Variants in TTC6 observed in about 807,000 individuals in gnomAD.
TTC6 encodes the protein tetratricopeptide repeat domain 6.
A neutral mutation model predicts 210.4 loss-of-function variants in TTC6; 172 were observed. The ratio of observed to expected loss-of-function variants is 0.82; its 90% CI spans 0.72 to 0.93. The LOEUF (loss-of-function observed/expected upper bound fraction) is 0.93, where lower values mean the gene tolerates loss of function less well. Among genes scored for constraint, TTC6 ranks in the 40% least tolerant of loss-of-function variants. The pLI is 0.00. For missense variants in TTC6, 2,414 were observed against 2,318.1 expected, an observed-to-expected ratio of 1.04 and a Z score of -0.85; for synonymous variants, 804 against 819.6, an observed-to-expected ratio of 0.98 and a Z score of 0.32.
At chr14:37,746,415 C>T (rs1021188374) in intron 10 of TTC6, among the ~76,000 whole-genome samples, 1 of 152,170 alleles carries the variant, frequency 6.6e-6, no homozygotes, top group African/African-American at 2.4e-5. Flanking sequence ...TTGTGTAATC[C>T]ATGCATGAGT....
chr14:37,622,129 T>C, exon 1 of TTC6: 1 of 1,535,552 alleles, frequency 6.5e-7, no homozygotes, highest in South Asian at 1.2e-5. Flanking sequence ...TTTAAAGAGC[T>C]TGAGAAAGTT....
At chr14:37,700,936 G>A (rs576621217) in intron 4 of TTC6, among the ~76,000 whole-genome samples, 4 of 152,006 alleles carry the variant, frequency 2.6e-5, no homozygotes, top group African/African-American at 9.7e-5. Context: ...CTTCTTTAGG[G>A]ACATTAGCAT....
chr14:37,750,618 G>A (rs1423561984), intron 12 of TTC6, among the ~76,000 whole-genome samples: 1 of 152,214 alleles, frequency 6.6e-6, no homozygotes, highest in Non-Finnish European at 1.5e-5. Flanking sequence ...CAGGCACAGT[G>A]GCTTACGCCT....
Position 37,816,391 on chromosome 14 carries a change from G to C in TTC6, c.4690-1187G>C, listed in dbSNP as rs1410783830. ...AGGAGGAGTGGGAGGGAGAGAGAGA[G>C]TGTGGGCTTTGATTAGCTCTTTTCT... On this transcript the variant is annotated intron_variant, in intron 25 of 30. Coordinates refer to ENST00000553443, the Ensembl canonical transcript of TTC6. Among the ~76,000 whole-genome samples the C allele has an allele frequency of 5.3e-5, 8 of 152,108 alleles. No homozygotes were observed. In the East Asian group the frequency reaches 1.5e-3, roughly 29 times the overall value.
At chr14:37,825,238 T>C (rs914002696) in intron 27 of TTC6, among the ~76,000 whole-genome samples, 1 of 152,200 alleles carries the variant, frequency 6.6e-6, no homozygotes, top group Non-Finnish European at 1.5e-5. Context: ...CAGTTTGCTA[T>C]TTAATATCCT....
chr14:37,609,952 C>G (rs544563298), intron 2 of TTC6, among the ~76,000 whole-genome samples: 16 of 152,298 alleles, frequency 1.1e-4, no homozygotes, highest in African/African-American at 3.9e-4. Context: ...GCAGGGTTGG[C>G]AGATCTTTTT....
chr14:37,720,310 C>T (rs920985064), intron 6 of TTC6: 1 of 152,118 alleles, frequency 6.6e-6, no homozygotes, highest in African/African-American at 2.4e-5. Context: ...GCATGCAGTT[C>T]TGTAAGATAA....
exon 1 of TTC6, chr14:37,622,114 A>T: frequency 6.5e-7 from 1 of 1,535,324 alleles, no homozygotes; most frequent in Non-Finnish European, 8.7e-7. Flanking sequence ...GAGGAATCGT[A>T]TATGTTTAAA....
At chr14:37,726,213 A>G (rs2095872789) in intron 7 of TTC6, among the ~76,000 whole-genome samples, 1 of 152,200 alleles carries the variant, frequency 6.6e-6, no homozygotes, top group Non-Finnish European at 1.5e-5. Context: ...ATATATCAGA[A>G]AAGGATAAAA....
intron 4 of TTC6, among the ~76,000 whole-genome samples, chr14:37,699,442 C>T (rs2138669380): frequency 6.6e-6 from 1 of 152,332 alleles, no homozygotes; most frequent in African/African-American, 2.4e-5. Flanking sequence ...ACTCCAGAGT[C>T]TGTACTCTTA....
chr14:37,676,854 G>A (rs375091337), intron 1 of TTC6, among the ~76,000 whole-genome samples: 3 of 152,114 alleles, frequency 2.0e-5, no homozygotes, highest in East Asian at 3.9e-4. Flanking sequence ...CACCTTTGTC[G>A]AAAGTCGATT....
intron 1 of TTC6, among the ~76,000 whole-genome samples, chr14:37,625,285 C>T (rs1404699395): frequency 2.0e-5 from 3 of 152,006 alleles, no homozygotes; most frequent in Non-Finnish European, 2.9e-5. Context: ...CGGTGGCTCA[C>T]GCTTGTAATC....
At chr14:37,632,198 C>G (rs2095671223) in intron 1 of TTC6, among the ~76,000 whole-genome samples, 1 of 152,176 alleles carries the variant, frequency 6.6e-6, no homozygotes, top group Non-Finnish European at 1.5e-5. Flanking sequence ...AAGAGGCGTT[C>G]TGGTTTTTGG....
intron 26 of TTC6, among the ~76,000 whole-genome samples, chr14:37,819,099 T>C (rs889454725): frequency 6.6e-6 from 1 of 152,224 alleles, no homozygotes; most frequent in Non-Finnish European, 1.5e-5. Context: ...CCAATTTTCA[T>C]AACCCAACTA....
rs528202059 is a variant in TTC6, at chr14:37,600,499, C to G, written c.-235+4491C>G. Among the ~76,000 whole-genome samples, 5 of 152,308 alleles carry G rather than the reference C, an allele frequency of 3.3e-5. No homozygotes were observed. The South Asian group carries it at 1.0e-3, about 32-fold the overall frequency. ...CCGCCAATCCACTCGCGCCCCTCCC[C>G]CCACACACCCAGGAGCTTTCCCACG... On this transcript the variant is annotated intron_variant, in intron 1 of 2. Transcript: ENST00000556845.
chr14:37,795,204 G>A (rs897795534), intron 17 of TTC6, 66 bp from the exon 20 acceptor site: 32 of 1,108,912 alleles, frequency 2.9e-5, no homozygotes, highest in Non-Finnish European at 4.0e-5. Context: ...GGGTGGGAGA[G>A]GATAAATATC....
intron 24 of TTC6, 132 bp from the exon 27 acceptor site, chr14:37,812,182 T>C (rs888507527): frequency 2.3e-6 from 2 of 882,430 alleles, no homozygotes; most frequent in Non-Finnish European, 3.4e-6. Flanking sequence ...ATATGATTAT[T>C]TTGGCCATAA....
intron 1 of TTC6, among the ~76,000 whole-genome samples, chr14:37,641,190 T>G: frequency 6.6e-6 from 1 of 152,212 alleles, no homozygotes; most frequent in Admixed American, 6.5e-5. Context: ...ATTGACATAT[T>G]GTACATGGGA....
At chr14:37,754,670 T>A (rs2095962240) in intron 14 of TTC6, among the ~76,000 whole-genome samples, 1 of 152,154 alleles carries the variant, frequency 6.6e-6, no homozygotes, top group Non-Finnish European at 1.5e-5. Flanking sequence ...TGACCTTAGG[T>A]GATCCACCCA....
Sources: allele counts gnomAD v4.1 joint callset (sites outside exome capture counted in the v4.1 genomes callset), GRCh38; gene constraint gnomAD v4.1.1; transcripts MANE v1.5; gene names NCBI Gene and HGNC (gene_info 2026-07-23, HGNC 2026-07-21).